The following HSCB variants were observed in gnomAD, a reference collection of about 807,000 sequenced individuals.
HSCB encodes HscB mitochondrial iron-sulfur cluster cochaperone.
In HSCB, 23 loss-of-function variants were observed where a neutral mutation model predicts 31.3. That is an observed-to-expected ratio of 0.74 (90% CI 0.53 to 1.04). HSCB has a LOEUF of 1.04. Ranked by LOEUF, HSCB falls within the 50% of genes least tolerant of loss-of-function variation. HSCB has a pLI of 0.00. For synonymous variants in HSCB, 110 were observed against 104.5 expected (o/e 1.05, Z -0.32); for missense variants, 297 against 288.1 (o/e 1.03, Z -0.22).
At chr22:28,754,603 G>T (rs2030476829) in intron 5 of HSCB, among the ~76,000 whole-genome samples, 1 of 151,978 alleles carries the variant, frequency 6.6e-6, no homozygotes, top group Non-Finnish European at 1.5e-5. Flanking sequence ...CCGGGAGGTG[G>T]AGGCTGCAGT....
At chr22:28,744,108 C>G in intron 2 of HSCB, 130 bp downstream of exon 2, 1 of 758,316 alleles carries the variant, frequency 1.3e-6, no homozygotes, top group Non-Finnish European at 2.3e-6. Context: ...CAGTCTGACC[C>G]CAGCCTGTCA....
At chr22:28,755,520 C>G (rs1386008932) in intron 5 of HSCB, among the ~76,000 whole-genome samples, 1 of 152,146 alleles carries the variant, frequency 6.6e-6, no homozygotes, top group Admixed American at 6.6e-5. Context: ...GTAACCACTC[C>G]TGAATTTTGT....
At chr22:28,753,384 G>T (rs1019944328) in intron 5 of HSCB, among the ~76,000 whole-genome samples, 3 of 149,672 alleles carry the variant, frequency 2.0e-5, no homozygotes, top group Non-Finnish European at 3.0e-5. Context: ...AAAAATTAGG[G>T]TGGCATGGTG....
At position 28,742,115 on chromosome 22, in the gene HSCB, G is replaced by C. The variant is rs752250725; in HGVS notation, c.20G>C (p.Gly7Ala). 2.5e-6 allele frequency: 4 copies of C among 1,602,184 alleles called. No homozygotes were observed. The highest frequency in any genetic ancestry group is 3.4e-5 in the Admixed American group (2 of 58,276). The change falls in exon 1 of 6, where the codon GGG (glycine) becomes GCG (alanine). Residue 7 changes from glycine (G) to alanine (A), a missense_variant. By Grantham distance (60) the Gly-to-Ala change is moderately conservative. Coordinates refer to ENST00000216027, the MANE Select transcript of HSCB (RefSeq NM_172002.5). ...GGCCAGATGTGGCGGGGGAGAGCCGGGGCTTTGCTCCGGGTGTGGGGGTTT... is the reference window on the plus strand; with the variant it reads ...GGCCAGATGTGGCGGGGGAGAGCCGCGGCTTTGCTCCGGGTGTGGGGGTTT... MWRGRA[G>A]ALLRVWGFWP...
At chr22:28,749,590 G>T (rs2030081640) in intron 4 of HSCB, among the ~76,000 whole-genome samples, 1 of 152,268 alleles carries the variant, frequency 6.6e-6, no homozygotes, top group Non-Finnish European at 1.5e-5. Flanking sequence ...TCACAGAAAA[G>T]TACTTATAGT....
chr22:28,742,172 T>C lies in HSCB; in HGVS notation c.77T>C (p.Leu26Pro), dbSNP rs1315933567. 2.5e-6 allele frequency: 4 copies of C among 1,613,742 alleles called. No individual in the cohort carries two copies. Among genetic ancestry groups the C allele is most frequent in the Admixed American group, 1.7e-5 (1 of 59,974 alleles). The change falls in exon 1 of 6, where the codon CTA (leucine) becomes CCA (proline). Residue 26 changes from leucine (L) to proline (P), a missense_variant. Leu to Pro is a moderately conservative substitution (Grantham distance 98, BLOSUM62 -3). Transcript: ENST00000216027. ...WPTGVPRRRP[L>P]SCDAASQAGS... ...ACAGGGGTTCCCAGAAGGAGACCGC[T>C]AAGCTGCGATGCTGCGTCGCAGGCG...
chr22:28,746,137 TTGGGAGG>T (rs2054683541), intron 4 of HSCB, 129 bp downstream of exon 4: 1 of 832,238 alleles, frequency 1.2e-6, no homozygotes, highest in African/African-American at 1.8e-5. Flanking sequence ...TCCCAGCACT[TTGGGAGG>T]CCAAGGCAAG....
Position 28,747,058 on chromosome 22 carries a change from T to C in HSCB, c.568+1050T>C, listed in dbSNP as rs368515940. On this transcript the variant is annotated intron_variant, in intron 4 of 5. Coordinates refer to ENST00000216027, the MANE Select transcript of HSCB (RefSeq NM_172002.5). ...CAGCCTGAGTGACAGAGTGAGACCC[T>C]GTCACAAAAAAAATAAACAAAATCT... Among the ~76,000 whole-genome samples the C allele has an allele frequency of 2.6e-5, 4 of 151,864 alleles. No individual in the cohort carries two copies. In the East Asian group the frequency reaches 7.8e-4, roughly 29 times the overall value.
Position 28,742,079 on chromosome 22 carries a change from G to C in HSCB, c.-17G>C, listed in dbSNP as rs749411143. ...TTTTCCCCACGAGTGACCACGGCTA[G>C]ATAGGCCGCCGGCCAGATGTGGCGG... On this transcript the variant is annotated 5_prime_UTR_variant, in exon 1 of 6. Transcript: ENST00000216027. 7 of 1,598,896 alleles carry C rather than the reference G, an allele frequency of 4.4e-6. No individual in the cohort carries two copies. The East Asian group carries it at 1.6e-4, about 36-fold the overall frequency.
At chr22:28,753,846 A>G (rs2030423029) in intron 5 of HSCB, among the ~76,000 whole-genome samples, 4 of 148,552 alleles carry the variant, frequency 2.7e-5, no homozygotes, top group African/African-American at 5.0e-5. Context: ...TCAAAAAAAA[A>G]AGAAATTCTG....
At position 28,749,115 on chromosome 22, in the gene HSCB, T is replaced by C. The variant is rs2030043651; in HGVS notation, c.569-2126T>C. 2.0e-5 allele frequency among the ~76,000 whole-genome samples: 3 copies of C among 151,102 alleles called. No homozygotes were observed. In the South Asian group the frequency reaches 6.3e-4, roughly 32 times the overall value. ...GTGTTTGCACCATTGCACTCCAGTT[T>C]CAGCAACAGAGCGAAAACACGTCTC... On this transcript the variant is annotated intron_variant, in intron 4 of 5. Coordinates refer to ENST00000216027, the MANE Select transcript of HSCB (RefSeq NM_172002.5).
At chr22:28,755,542 C>T (rs2030548625) in intron 5 of HSCB, among the ~76,000 whole-genome samples, 1 of 152,120 alleles carries the variant, frequency 6.6e-6, no homozygotes, top group Admixed American at 6.6e-5. Flanking sequence ...TTACTCATTC[C>T]CTTGCTTTTC....
At chr22:28,748,248 CG>C (rs1235643582) in intron 4 of HSCB, among the ~76,000 whole-genome samples, 2 of 152,174 alleles carry the variant, frequency 1.3e-5, no homozygotes, top group Non-Finnish European at 2.9e-5. Flanking sequence ...CTTGCACAAG[CG>C]TAAATTCTGA....
intron 2 of HSCB, 105 bp downstream of exon 2, chr22:28,744,083 G>A (rs962052365): frequency 1.1e-6 from 1 of 913,622 alleles, no homozygotes; most frequent in African/African-American, 1.6e-5. Flanking sequence ...AAAATCAGCT[G>A]TGTCTGCCCC....
intron 5 of HSCB, among the ~76,000 whole-genome samples, chr22:28,751,999 G>C (rs2030289538): frequency 6.6e-6 from 1 of 151,732 alleles, no homozygotes; most frequent in South Asian, 2.1e-4. Flanking sequence ...CTGAGGCCAG[G>C]AGAATTGCTT....
At chr22:28,743,830 A>G in intron 1 of HSCB, 52 bp from the exon 2 acceptor site, 1 of 1,470,734 alleles carries the variant, frequency 6.8e-7, no homozygotes, top group Admixed American at 1.7e-5. Flanking sequence ...CTCATGGTAG[A>G]TAAACCTTTA....
chr22:28,742,705 G>C (rs2054599786), intron 1 of HSCB: 1 of 290,898 alleles, frequency 3.4e-6, no homozygotes, highest in Non-Finnish European at 6.6e-6. Context: ...GGGCCTGGGA[G>C]ACTGGAAGAC....
At chr22:28,754,914 G>A (rs1255068350) in intron 5 of HSCB, among the ~76,000 whole-genome samples, 1 of 150,194 alleles carries the variant, frequency 6.7e-6, no homozygotes, top group African/African-American at 2.4e-5. Flanking sequence ...TCCTGCCTCA[G>A]CCTCCCAAGT....
chr22:28,757,002 C>A, intron 5 of HSCB, 76 bp from the exon 6 acceptor site: 2 of 833,504 alleles, frequency 2.4e-6, no homozygotes, highest in South Asian at 1.3e-5. Context: ...ACTTATATAT[C>A]GCTGCCCTAG....
Sources: gnomAD v4.1 joint callset for allele counts (sites outside exome capture counted in the v4.1 genomes callset) on GRCh38, gnomAD v4.1.1 for gene constraint, MANE v1.5 for transcripts, NCBI Gene and HGNC (gene_info 2026-07-23, HGNC 2026-07-21) for gene names.